Variants in PHF20 observed in about 807,000 individuals in gnomAD.
PHF20 encodes the protein glioma-expressed antigen 2.
In PHF20, 23 loss-of-function variants were observed where a neutral mutation model predicts 113.5. The ratio of observed to expected loss-of-function variants is 0.20; its 90% confidence interval spans 0.15 to 0.29. The LOEUF is 0.29. Ranked by LOEUF, PHF20 falls within the 10% of genes least tolerant of loss-of-function variation. PHF20 has a pLI of 1.00. For synonymous variants in PHF20, 434 were observed against 457.3 expected (o/e 0.95, Z 0.65); for missense variants, 943 against 1,219.6 (o/e 0.77, Z 3.38).
At chr20:35,860,840 G>A (rs969163371) in intron 5 of PHF20, among the ~76,000 whole-genome samples, 2 of 152,170 alleles carry the variant, frequency 1.3e-5, no homozygotes, top group African/African-American at 4.8e-5. Context: ...ACCTTCCCAA[G>A]TGGAAGTCCA....
At chr20:35,871,496 C>G (rs1178638073) in intron 8 of PHF20, among the ~76,000 whole-genome samples, 154 bp from the exon 9 acceptor site, 1 of 152,180 alleles carries the variant, frequency 6.6e-6, no homozygotes, top group Non-Finnish European at 1.5e-5. Flanking sequence ...CACAAGCCAG[C>G]CTGTATGTAT....
At chr20:35,802,935 T>TCC (rs1437967161) in intron 2 of PHF20, among the ~76,000 whole-genome samples, 5 of 101,096 alleles carry the variant, frequency 4.9e-5, no homozygotes, top group East Asian at 2.9e-4. Flanking sequence ...TGAGACTCGG[T>TCC]CTGAAAAAAA....
chr20:35,918,865 A>G (rs2055455597), intron 13 of PHF20, among the ~76,000 whole-genome samples: 1 of 152,230 alleles, frequency 6.6e-6, no homozygotes, highest in Admixed American at 6.5e-5. Flanking sequence ...GATTGTTCCC[A>G]GTAAAGGGGG....
At chr20:35,788,586 C>CT (rs918974134) in intron 1 of PHF20, among the ~76,000 whole-genome samples, 13 of 148,194 alleles carry the variant, frequency 8.8e-5, no homozygotes, top group East Asian at 2.1e-4. Context: ...GAGGTTACCT[C>CT]TTTTTTTTTG....
chr20:35,785,583 G>A (rs893353966), intron 1 of PHF20, among the ~76,000 whole-genome samples: 1 of 151,836 alleles, frequency 6.6e-6, no homozygotes, highest in African/African-American at 2.4e-5. Flanking sequence ...GCCTCCCAAT[G>A]TGCTGGGATT....
intron 13 of PHF20, among the ~76,000 whole-genome samples, 169 bp downstream of exon 13, chr20:35,917,831 C>A (rs1234700943): frequency 1.3e-5 from 2 of 152,104 alleles, no homozygotes. Context: ...TTCCAGGCTG[C>A]CATACATAGT....
At chr20:35,775,658 G>A (rs2041158165) in intron 1 of PHF20, among the ~76,000 whole-genome samples, 3 of 148,464 alleles carry the variant, frequency 2.0e-5, no homozygotes, top group Middle Eastern at 3.5e-3. Context: ...GGAGGCTGAG[G>A]CAGAATACTT....
intron 2 of PHF20, among the ~76,000 whole-genome samples, chr20:35,835,136 G>C (rs889764312): frequency 6.6e-6 from 1 of 152,126 alleles, no homozygotes; most frequent in Non-Finnish European, 1.5e-5. Flanking sequence ...TTAGCTGGGT[G>C]TGGTGGCGGG....
At chr20:35,774,029 T>C (rs2041120323) in intron 1 of PHF20, among the ~76,000 whole-genome samples, 1 of 151,996 alleles carries the variant, frequency 6.6e-6, no homozygotes, top group East Asian at 1.9e-4. Context: ...TTCTTGTCCC[T>C]GGGGTGTCGG....
At chr20:35,803,015 A>G (rs1180133100) in intron 2 of PHF20, among the ~76,000 whole-genome samples, 4 of 150,082 alleles carry the variant, frequency 2.7e-5, no homozygotes, top group Non-Finnish European at 5.9e-5. Context: ...GCACTTTGGG[A>G]GGCTGAGGTG....
intron 10 of PHF20, among the ~76,000 whole-genome samples, chr20:35,910,835 G>A (rs1017737804): frequency 6.6e-6 from 1 of 151,948 alleles, no homozygotes; most frequent in African/African-American, 2.4e-5. Context: ...TATCGTATTG[G>A]TCATGCTGGT....
chr20:35,817,622 A>C (rs1455492167), intron 2 of PHF20, among the ~76,000 whole-genome samples: 1 of 151,684 alleles, frequency 6.6e-6, no homozygotes, highest in East Asian at 2.0e-4. Flanking sequence ...CATGGCAAAA[A>C]CCTGTTTCTA....
intron 2 of PHF20, among the ~76,000 whole-genome samples, chr20:35,825,399 A>G (rs961708445): frequency 6.6e-6 from 1 of 152,140 alleles, no homozygotes; most frequent in African/African-American, 2.4e-5. Flanking sequence ...GTTTGAGGAA[A>G]GAAGATAAGG....
intron 9 of PHF20, among the ~76,000 whole-genome samples, chr20:35,873,640 TG>T (rs1375519664): frequency 2.0e-5 from 3 of 152,078 alleles, no homozygotes; most frequent in African/African-American, 7.2e-5. Flanking sequence ...GGCTAATTTT[TG>T]TATTTTTTAG....
chr20:35,913,182 GAGA>G, intron 10 of PHF20, 64 bp from the exon 11 acceptor site: 1 of 1,160,002 alleles, frequency 8.6e-7, no homozygotes, highest in Non-Finnish European at 1.3e-6. Flanking sequence ...GCTTGCTTAG[GAGA>G]AGAATAAGCA....
chr20:35,780,779 C>G (rs1255926057), intron 1 of PHF20, among the ~76,000 whole-genome samples: 1 of 150,604 alleles, frequency 6.6e-6, no homozygotes, highest in Non-Finnish European at 1.5e-5. Flanking sequence ...AACTCCTGAT[C>G]TCAGATGATC....
chr20:35,882,501 C>T (rs2054653423), intron 9 of PHF20, among the ~76,000 whole-genome samples: 1 of 152,210 alleles, frequency 6.6e-6, no homozygotes, highest in Admixed American at 6.5e-5. Context: ...GATCATAGCT[C>T]ACTGCAGCCT....
chr20:35,840,260 G>GT (rs1193195176), intron 2 of PHF20, among the ~76,000 whole-genome samples: 1 of 152,034 alleles, frequency 6.6e-6, no homozygotes, highest in Non-Finnish European at 1.5e-5. Context: ...ATTTTTAACC[G>GT]TTTATTTTTT....
At chr20:35,885,467 C>CTTTTTTTTTTTTTTT (rs577878410) in intron 9 of PHF20, among the ~76,000 whole-genome samples, 12 of 35,736 alleles carry the variant, frequency 3.4e-4, no homozygotes, top group East Asian at 1.1e-3. Context: ...GGGGAATAAG[C>CTTTTTTTTTTTTTTT]TTTTTTTTTT....
Sources: allele counts gnomAD v4.1 joint callset (sites outside exome capture counted in the v4.1 genomes callset), GRCh38; gene constraint gnomAD v4.1.1; transcripts MANE v1.5; gene names NCBI Gene and HGNC (gene_info 2026-07-23, HGNC 2026-07-21).